FBXL7: variants seen among roughly 807,000 people sequenced by gnomAD.
FBXL7 encodes the protein F-box/LRR-repeat protein 7.
A neutral mutation model predicts 38.3 loss-of-function variants in FBXL7; 12 were observed. The ratio of observed to expected loss-of-function variants is 0.31; its 90% CI spans 0.20 to 0.51. The LOEUF (loss-of-function observed/expected upper bound fraction) is 0.51, where lower values mean the gene tolerates loss of function less well. Ranked by LOEUF, FBXL7 falls within the 20% of genes least tolerant of loss-of-function variation. The pLI, the probability that FBXL7 is intolerant of heterozygous loss-of-function variation, is 0.98. For synonymous variants in FBXL7, 297 were observed against 300.9 expected (o/e 0.99, Z 0.13); for missense variants, 567 against 676.4 (o/e 0.84, Z 1.79).
chr5:15,525,400 T>C (rs1218247217), intron 1 of FBXL7, among the ~76,000 whole-genome samples: 1 of 152,230 alleles, frequency 6.6e-6, no homozygotes, highest in Non-Finnish European at 1.5e-5. Context: ...GGTTTCGTTT[T>C]ATTGTGATAC....
At chr5:15,902,967 G>T (rs548812867) in intron 2 of FBXL7, among the ~76,000 whole-genome samples, 2 of 152,206 alleles carry the variant, frequency 1.3e-5, no homozygotes, top group Non-Finnish European at 2.9e-5. Flanking sequence ...CCCACCACGG[G>T]TCTGGGCTCC....
intron 2 of FBXL7, among the ~76,000 whole-genome samples, chr5:15,798,215 A>G (rs1227364541): frequency 6.6e-6 from 1 of 152,130 alleles, no homozygotes; most frequent in African/African-American, 2.4e-5. Context: ...ATCAGCAAAC[A>G]TATCTGTCTT....
At chr5:15,745,432 A>G (rs1336100319) in intron 2 of FBXL7, among the ~76,000 whole-genome samples, 3 of 152,210 alleles carry the variant, frequency 2.0e-5, no homozygotes, top group African/African-American at 7.2e-5. Context: ...TCATGCTCTC[A>G]TGGACTTTAT....
At chr5:15,814,497 G>A (rs1234330610) in intron 2 of FBXL7, among the ~76,000 whole-genome samples, 2 of 151,932 alleles carry the variant, frequency 1.3e-5, no homozygotes, top group Non-Finnish European at 2.9e-5. Context: ...GATGGGTGCA[G>A]CAAACCACCA....
intron 2 of FBXL7, among the ~76,000 whole-genome samples, chr5:15,636,720 T>C (rs1161135690): frequency 1.3e-5 from 2 of 151,880 alleles, no homozygotes; most frequent in African/African-American, 4.8e-5. Flanking sequence ...TGATTATTTA[T>C]GTTGGCTTTT....
At chr5:15,516,550 A>G (rs1361970391) in intron 1 of FBXL7, among the ~76,000 whole-genome samples, 3 of 152,162 alleles carry the variant, frequency 2.0e-5, no homozygotes, top group Admixed American at 1.3e-4. Flanking sequence ...ACCAGAGTCT[A>G]TTCTAGATTG....
chr5:15,771,292 C>A (rs909783501), intron 2 of FBXL7, among the ~76,000 whole-genome samples: 1 of 152,174 alleles, frequency 6.6e-6, no homozygotes. Flanking sequence ...ATAAATGTAG[C>A]CTTGCCTGCC....
rs374565261 is a variant in FBXL7, at chr5:15,519,853, G to A, written c.37+19140G>A. Among the ~76,000 whole-genome samples the A allele has an allele frequency of 2.7e-3, 406 of 152,230 alleles. 1 individual carries two copies. Among genetic ancestry groups the A allele is most frequent in the South Asian group, 9.3e-3 (45 of 4,822 alleles). On this transcript the variant is annotated intron_variant, in intron 1 of 3. Transcript: ENST00000504595. ...AGTCCAGATCCAGACCCTAAGAGAA[G>A]GTTCTTGGATCTCTCACAAGAAAGA...
intron 1 of FBXL7, among the ~76,000 whole-genome samples, chr5:15,529,664 A>G (rs1737364373): frequency 6.6e-6 from 1 of 152,208 alleles, no homozygotes; most frequent in South Asian, 2.1e-4. Flanking sequence ...CTGGGATTAC[A>G]GGTGTGAGCC....
chr5:15,892,403 C>T (rs185037012), intron 2 of FBXL7, among the ~76,000 whole-genome samples: 3 of 152,026 alleles, frequency 2.0e-5, no homozygotes, highest in Non-Finnish European at 2.9e-5. Context: ...TGAGCAGAGG[C>T]GGGACATGCA....
At chr5:15,600,497 T>A (rs1307033509) in intron 1 of FBXL7, among the ~76,000 whole-genome samples, 1 of 152,174 alleles carries the variant, frequency 6.6e-6, no homozygotes, top group Admixed American at 6.5e-5. Flanking sequence ...CTTAGAATTT[T>A]ATTTTTATTT....
chr5:15,738,659 A>T (rs923392007), intron 2 of FBXL7, among the ~76,000 whole-genome samples: 1 of 152,338 alleles, frequency 6.6e-6, no homozygotes, highest in Admixed American at 6.5e-5. Flanking sequence ...CACCCATGGC[A>T]TCATATCTGT....
At chr5:15,640,285 G>A (rs920930146) in intron 2 of FBXL7, among the ~76,000 whole-genome samples, 1 of 152,024 alleles carries the variant, frequency 6.6e-6, no homozygotes, top group Non-Finnish European at 1.5e-5. Context: ...TTTGGTTCCC[G>A]ACAGTCCTTG....
intron 1 of FBXL7, among the ~76,000 whole-genome samples, chr5:15,581,415 C>T (rs1739136894): frequency 1.3e-5 from 2 of 152,166 alleles, no homozygotes; most frequent in African/African-American, 4.8e-5. Context: ...TCCTGCTTAG[C>T]CTGGTGCTGC....
At chr5:15,784,052 C>A (rs1433694927) in intron 2 of FBXL7, among the ~76,000 whole-genome samples, 1 of 152,138 alleles carries the variant, frequency 6.6e-6, no homozygotes, top group Non-Finnish European at 1.5e-5. Context: ...GTGACTGTTT[C>A]CCTGGCAGCC....
chr5:15,735,040 T>C (rs1735709827), intron 2 of FBXL7, among the ~76,000 whole-genome samples: 1 of 152,200 alleles, frequency 6.6e-6, no homozygotes, highest in African/African-American at 2.4e-5. Flanking sequence ...CAAGCGATTC[T>C]CCTGCCTCAG....
In FBXL7 at chr5:15,500,840, T is replaced by TCA. The variant is rs1736469089; in HGVS notation, c.37+129_37+130dup. ...CACCCCATTTGGCACCCTGTCTGGG[T>TCA]CACCACCTTCTCCTTTGGCAGTGAG... On this transcript the variant is annotated intron_variant, in intron 1 of 3. Coordinates refer to ENST00000504595, the MANE Select transcript of FBXL7 (RefSeq NM_012304.5). The TCA allele has an allele frequency of 5.3e-6, 6 of 1,138,878 alleles. No homozygotes were observed. The Admixed American group carries it at 1.3e-4, about 25-fold the overall frequency. 70.5% of individuals were successfully genotyped at this position (1,138,878 alleles called of 1,614,324 possible).
chr5:15,699,249 A>G (rs1743446223), intron 2 of FBXL7, among the ~76,000 whole-genome samples: 1 of 152,174 alleles, frequency 6.6e-6, no homozygotes. Context: ...TTAAAACAAA[A>G]TAAATGTATT....
Position 15,581,240 on chromosome 5 carries a change from T to C in FBXL7, c.38-34743T>C, listed in dbSNP as rs968870601. On this transcript the variant is annotated intron_variant, in intron 1 of 3. Coordinates refer to ENST00000504595, the MANE Select transcript of FBXL7 (RefSeq NM_012304.5). Reference sequence around the variant, plus strand: ...TCCTACTGGCAGATTTATTGGCTATTCTTTATTATGTCATTAAAAAAAATC... The same window carrying C: ...TCCTACTGGCAGATTTATTGGCTATCCTTTATTATGTCATTAAAAAAAATC... 2.0e-5 allele frequency among the ~76,000 whole-genome samples: 3 copies of C among 152,224 alleles called. No homozygotes were observed. In the East Asian group the frequency reaches 5.8e-4, roughly 29 times the overall value.
Sources: allele counts gnomAD v4.1 joint callset (sites outside exome capture counted in the v4.1 genomes callset), GRCh38; gene constraint gnomAD v4.1.1; transcripts MANE v1.5; gene names NCBI Gene and HGNC (gene_info 2026-07-23, HGNC 2026-07-21).